The following CCNJL variants were observed in gnomAD, a reference collection of about 807,000 sequenced individuals.
The protein encoded by CCNJL is cyclin J like.
In CCNJL, 33 loss-of-function variants were observed where a neutral mutation model predicts 33.4. The observed-to-expected ratio is 0.99, with a 90% confidence interval of 0.75 to 1.32. CCNJL has a LOEUF of 1.32. CCNJL is among the 40% of genes most tolerant of loss of function. The pLI, the probability that CCNJL is intolerant of heterozygous loss-of-function variation, is 0.00. For synonymous variants in CCNJL, 227 were observed against 220.9 expected, an observed-to-expected ratio of 1.03 and a Z score of -0.24; for missense variants, 512 against 499.7, an observed-to-expected ratio of 1.02 and a Z score of -0.23.
At chr5:160,302,814 TA>T (rs35600220) in intron 2 of CCNJL, among the ~76,000 whole-genome samples, 34,651 of 143,416 alleles carry the variant, frequency 0.24, 4,285 homozygotes, top group Middle Eastern at 0.39. Context: ...TCTGTCTCAA[TA>T]AAAAAAAAAA....
At chr5:160,309,246 C>T (rs1192096430) in intron 2 of CCNJL, among the ~76,000 whole-genome samples, 1 of 152,200 alleles carries the variant, frequency 6.6e-6, no homozygotes, top group Admixed American at 6.5e-5. Flanking sequence ...TCACTTCCAT[C>T]ACTAGCGTGC....
chr5:160,330,158 G>C (rs1372250802), intron 1 of CCNJL, among the ~76,000 whole-genome samples: 1 of 152,086 alleles, frequency 6.6e-6, no homozygotes, highest in African/African-American at 2.4e-5. Context: ...CTGCCACTCT[G>C]TTCTGGACCC....
chr5:160,253,945 G>A, intron 5 of CCNJL, 147 bp from the exon 6 acceptor site: 1 of 577,826 alleles, frequency 1.7e-6, no homozygotes, highest in South Asian at 2.9e-5. Flanking sequence ...CACTGTGTGT[G>A]GCACCGCTCC....
chr5:160,311,471 G>T (rs1763257846), intron 2 of CCNJL, among the ~76,000 whole-genome samples: 1 of 152,182 alleles, frequency 6.6e-6, no homozygotes, highest in Admixed American at 6.5e-5. Context: ...CAAACGCAGA[G>T]CTTGCTAGAT....
chr5:160,268,319 C>T (rs142998171), intron 3 of CCNJL, among the ~76,000 whole-genome samples: 2 of 152,352 alleles, frequency 1.3e-5, no homozygotes, highest in Non-Finnish European at 2.9e-5. Context: ...CTGGATTCTA[C>T]GGAGTGGCAG....
At chr5:160,277,616 G>A (rs1014108239) in intron 3 of CCNJL, among the ~76,000 whole-genome samples, 2 of 152,178 alleles carry the variant, frequency 1.3e-5, no homozygotes, top group Non-Finnish European at 2.9e-5. Flanking sequence ...GTGGAATGAC[G>A]AAATGCTCTC....
chr5:160,326,893 AAAAC>A (rs1266585047), intron 1 of CCNJL: 1 of 680,948 alleles, frequency 1.5e-6, no homozygotes, highest in African/African-American at 1.8e-5. Flanking sequence ...GATTCATTCT[AAAAC>A]AAAGTCATGA....
chr5:160,320,845 C>G (rs1763438379), intron 1 of CCNJL, among the ~76,000 whole-genome samples: 1 of 81,868 alleles, frequency 1.2e-5, no homozygotes, highest in Non-Finnish European at 2.8e-5. Context: ...TTCTTTCTTT[C>G]TTTCCTTCTT....
chr5:160,276,527 C>A (rs1762019043), intron 3 of CCNJL: 1 of 151,920 alleles, frequency 6.6e-6, no homozygotes, highest in African/African-American at 2.4e-5. Context: ...CACAAATGGT[C>A]ACATATTGTA....
At position 160,251,956 on chromosome 5, in the gene CCNJL, T is replaced by C. The variant is rs987040857; in HGVS notation, c.*1422A>G. On this transcript the variant is annotated 3_prime_UTR_variant, in exon 6 of 6. Coordinates refer to ENST00000257536, the MANE Select transcript of CCNJL (RefSeq NM_001308173.3). ...TCTGGAAAGATTCACCACCTTCCGA[T>C]CTGACTCAGCAGCAGACAGCTGCCT... is the stretch of plus-strand genomic sequence containing the variant. 2 of 152,236 alleles carry C rather than the reference T, an allele frequency of 1.3e-5. No individual in the cohort carries two copies. The highest frequency in any genetic ancestry group is 1.5e-5 in the Non-Finnish European group (1 of 68,042). The allele number at this position is 152,236 out of a possible 1,614,324, so 9.4% of individuals were successfully genotyped here.
intron 4 of CCNJL, among the ~76,000 whole-genome samples, chr5:160,256,875 G>C (rs1402447724): frequency 6.6e-6 from 1 of 151,384 alleles, no homozygotes; most frequent in Admixed American, 6.6e-5. Context: ...CTGAGATCGA[G>C]CCATTGCACT....
chr5:160,306,378 C>T (rs1037753860), intron 2 of CCNJL, among the ~76,000 whole-genome samples: 2 of 152,048 alleles, frequency 1.3e-5, no homozygotes, highest in Non-Finnish European at 2.9e-5. Context: ...GGCTGGTTGC[C>T]CTGCAGATCT....
chr5:160,303,158 T>C (rs937920353), intron 2 of CCNJL, among the ~76,000 whole-genome samples: 1 of 152,222 alleles, frequency 6.6e-6, no homozygotes, highest in Non-Finnish European at 1.5e-5. Flanking sequence ...TGGAAAAATG[T>C]ATATGGGAAA....
At chr5:160,291,583 C>A (rs2113391389) in intron 2 of CCNJL, among the ~76,000 whole-genome samples, 1 of 152,312 alleles carries the variant, frequency 6.6e-6, no homozygotes, top group African/African-American at 2.4e-5. Context: ...AGCTACGGGG[C>A]ACCTGGTATG....
In CCNJL at chr5:160,259,745, C is replaced by T. The variant is rs139134014; in HGVS notation, c.307G>A (p.Val103Ile). ...CTGTTTATTTGCTCCAACTTGGGGA[C>T]GTGGTCTTCCCGATCCTCGAACTTA... ...ASKFEDREDH[V>I]PKLEQINSTR... is the part of the protein sequence containing the mutation. Residue 103 changes from valine (V) to isoleucine (I), a missense_variant, in exon 4 of 6, where the codon GTC (valine) becomes ATC (isoleucine). By Grantham distance (29) the Val-to-Ile change is conservative (BLOSUM62 3). Transcript: ENST00000257536. 9.5e-3 allele frequency: 15,350 copies of T among 1,611,468 alleles called. 104 individuals are homozygous for T. Among genetic ancestry groups the T allele is most frequent in the Middle Eastern group, 0.012 (73 of 6,048 alleles).
intron 2 of CCNJL, among the ~76,000 whole-genome samples, chr5:160,301,928 C>G (rs1432439169): frequency 6.6e-6 from 1 of 151,936 alleles, no homozygotes; most frequent in Non-Finnish European, 1.5e-5. Context: ...TGGGGCTTCA[C>G]CATGTTGGCC....
chr5:160,308,486 G>A (rs13166258), intron 2 of CCNJL, among the ~76,000 whole-genome samples: 24,960 of 152,216 alleles, frequency 0.16, 2,211 homozygotes, highest in Non-Finnish European at 0.19. Context: ...GGCCAGGCAC[G>A]GTGGCTCACG....
At chr5:160,266,050 C>T (rs1391456682) in intron 3 of CCNJL, among the ~76,000 whole-genome samples, 1 of 152,174 alleles carries the variant, frequency 6.6e-6, no homozygotes, top group Non-Finnish European at 1.5e-5. Flanking sequence ...ACCAGCCTAC[C>T]CTGCAGGTGC....
intron 3 of CCNJL, among the ~76,000 whole-genome samples, chr5:160,262,252 T>C (rs1378067411): frequency 6.6e-6 from 1 of 152,146 alleles, no homozygotes; most frequent in African/African-American, 2.4e-5. Flanking sequence ...AGCAATCTCT[T>C]AGAACTGGCA....
Sources: gnomAD v4.1 joint callset for allele counts (sites outside exome capture counted in the v4.1 genomes callset) on GRCh38, gnomAD v4.1.1 for gene constraint, MANE v1.5 for transcripts, NCBI Gene and HGNC (gene_info 2026-07-23, HGNC 2026-07-21) for gene names.